SH3GL3: variants seen among roughly 807,000 people sequenced by gnomAD.
SH3GL3 encodes the protein SH3 domain containing GRB2 like 3, endophilin A3.
SH3GL3 carries 33 observed loss-of-function variants against 47.7 expected under a neutral mutation model. That is an observed-to-expected ratio of 0.69 (90% confidence interval 0.52 to 0.92). SH3GL3 has a LOEUF of 0.92. Ranked by LOEUF, SH3GL3 falls within the 40% of genes least tolerant of loss-of-function variation. SH3GL3 has a pLI of 0.00. For synonymous variants in SH3GL3, 155 were observed against 148.8 expected (o/e 1.04, Z -0.30); for missense variants, 363 against 417.8 (o/e 0.87, Z 1.14).
At chr15:83,457,270 G>T (rs991078766) in intron 1 of SH3GL3, among the ~76,000 whole-genome samples, 1 of 152,110 alleles carries the variant, frequency 6.6e-6, no homozygotes, top group African/African-American at 2.4e-5. Context: ...TCTCTCCCAA[G>T]ACTAACCATC....
At chr15:83,541,568 G>A (rs1375059999) in intron 1 of SH3GL3, among the ~76,000 whole-genome samples, 1 of 151,934 alleles carries the variant, frequency 6.6e-6, no homozygotes, top group Non-Finnish European at 1.5e-5. Flanking sequence ...TCTCCATCGT[G>A]GTTGTACATC....
At chr15:83,490,751 G>A (rs761714811) in intron 1 of SH3GL3, 2 of 1,597,254 alleles carry the variant, frequency 1.3e-6, no homozygotes, top group Non-Finnish European at 1.7e-6. Context: ...TTTAATTACA[G>A]GAGCTTTTAA....
At chr15:83,625,119 C>A in the SH3GL3 span, among the ~76,000 whole-genome samples, 3 of 152,168 alleles carry the variant, frequency 2.0e-5, no homozygotes, top group Admixed American at 1.3e-4. Context: ...ATTAGCCGGG[C>A]ATGGTGGCAC....
intron 1 of SH3GL3, among the ~76,000 whole-genome samples, chr15:83,516,007 A>G (rs1468087647): frequency 1.3e-5 from 2 of 152,124 alleles, no homozygotes; most frequent in African/African-American, 2.4e-5. Flanking sequence ...AGTTGGTTTC[A>G]TTCCTGGAAA....
intron 1 of SH3GL3, among the ~76,000 whole-genome samples, chr15:83,486,758 A>T (rs2041613990): frequency 6.6e-6 from 1 of 152,172 alleles, no homozygotes; most frequent in Non-Finnish European, 1.5e-5. Context: ...GGGTGGCTTA[A>T]ATAACAGATG....
At chr15:83,621,246 CCTAA>C (rs1187154841), downstream of SH3GL3, among the ~76,000 whole-genome samples, 2 of 152,206 alleles carry the variant, frequency 1.3e-5, no homozygotes, top group East Asian at 1.9e-4. Context: ...AGGCAAGAGG[CCTAA>C]CTTTCAGCCT....
intron 1 of SH3GL3, among the ~76,000 whole-genome samples, chr15:83,520,811 C>G (rs1386812702): frequency 6.6e-6 from 1 of 152,070 alleles, no homozygotes; most frequent in African/African-American, 2.4e-5. Context: ...CCTCTCCCAC[C>G]CACCCCCACA....
chr15:83,522,293 G>A (rs532300663), intron 1 of SH3GL3, among the ~76,000 whole-genome samples: 293 of 152,254 alleles, frequency 1.9e-3, no homozygotes, highest in Admixed American at 5.2e-3. Context: ...AGATCACTTC[G>A]TTCAAGCAGA....
rs2039492102 is a variant in SH3GL3, at chr15:83,447,482, C to T, written c.-52C>T. The T allele has an allele frequency of 3.5e-6, 5 of 1,440,174 alleles. No homozygotes were observed. Among genetic ancestry groups the T allele is most frequent in the Non-Finnish European group, 3.7e-6 (4 of 1,088,014 alleles). 89.2% of individuals were successfully genotyped at this position (1,440,174 alleles called of 1,614,324 possible). On this transcript the variant is annotated 5_prime_UTR_variant, in exon 1 of 9. Transcript: ENST00000427482. The surrounding 1 kb of genome is among the most constrained non-coding windows in gnomAD (Gnocchi z 5.1). The stretch of plus-strand genomic sequence containing the variant: ...CCGCTCCCCGAGCGCGTCGCGGCCG[C>T]GTGGCCCAGCCGAGCCTTGAGACCA...
Position 83,447,438 on chromosome 15 carries a change from G to C in SH3GL3, c.-96G>C. On this transcript the variant is annotated 5_prime_UTR_variant, in exon 1 of 9. Transcript: ENST00000427482. The surrounding 1 kb of genome is among the most constrained non-coding windows in gnomAD (Gnocchi z 5.1). ...GCGGGCCCGGCGGAGCCCAGCCGCG[G>C]GGGGACCGGCCCGGGCTCCCGCTCC... The C allele has an allele frequency of 1.8e-6, 2 of 1,096,026 alleles. No homozygotes were observed. Among genetic ancestry groups the C allele is most frequent in the Non-Finnish European group, 2.4e-6 (2 of 840,480 alleles). 67.9% of individuals were successfully genotyped at this position (1,096,026 alleles called of 1,614,324 possible).
chr15:83,526,265 C>G (rs1016294976), intron 1 of SH3GL3, among the ~76,000 whole-genome samples: 1 of 152,112 alleles, frequency 6.6e-6, no homozygotes, highest in Non-Finnish European at 1.5e-5. Flanking sequence ...GGTGATTCCT[C>G]AGAGAGCTAA....
chr15:83,516,365 G>A (rs2151640708), intron 1 of SH3GL3, among the ~76,000 whole-genome samples: 1 of 152,168 alleles, frequency 6.6e-6, no homozygotes, highest in Admixed American at 6.5e-5. Context: ...TATGTTTTGT[G>A]GCAATCACTT....
chr15:83,487,878 C>CTTTTTTTTTTTTTTTTTT (rs58188472), intron 1 of SH3GL3, among the ~76,000 whole-genome samples: 1 of 137,624 alleles, frequency 7.3e-6, no homozygotes, highest in Non-Finnish European at 1.6e-5. Flanking sequence ...TTTTTCTTTT[C>CTTTTTTTTTTTTTTTTTT]TTTTTTTTTT....
chr15:83,595,618 GT>G (rs33947427), intron 8 of SH3GL3, among the ~76,000 whole-genome samples: 24,875 of 143,990 alleles, frequency 0.17, 2,163 homozygotes, highest in South Asian at 0.25. Flanking sequence ...GTTACTCCTT[GT>G]TTTTTTTTTT....
intron 1 of SH3GL3, among the ~76,000 whole-genome samples, chr15:83,481,707 GT>G (rs1291062924): frequency 6.6e-6 from 1 of 152,076 alleles, no homozygotes; most frequent in Non-Finnish European, 1.5e-5. Flanking sequence ...AGGATTGATC[GT>G]TTTTTTCCCC....
At chr15:83,598,676 G>A (rs967184045) in intron 8 of SH3GL3, among the ~76,000 whole-genome samples, 1 of 152,176 alleles carries the variant, frequency 6.6e-6, no homozygotes, top group Non-Finnish European at 1.5e-5. Context: ...CTCATATGAT[G>A]AGAAAATATT....
chr15:83,630,196 C>T, the SH3GL3 span, among the ~76,000 whole-genome samples: 1 of 152,292 alleles, frequency 6.6e-6, no homozygotes, highest in African/African-American at 2.4e-5. Context: ...ATCAATTAAA[C>T]CTCTTTCCTT....
chr15:83,592,475 G>T (rs1348781951), intron 8 of SH3GL3, among the ~76,000 whole-genome samples: 1 of 151,890 alleles, frequency 6.6e-6, no homozygotes, highest in Non-Finnish European at 1.5e-5. Context: ...GTAAGTGCAG[G>T]CTCGTGCAGT....
intron 1 of SH3GL3, among the ~76,000 whole-genome samples, chr15:83,496,503 T>C (rs953910947): frequency 6.6e-6 from 1 of 152,178 alleles, no homozygotes; most frequent in Admixed American, 6.5e-5. Flanking sequence ...AGAGTGGATA[T>C]ATATAGCCCT....
Sources: allele counts gnomAD v4.1 joint callset (sites outside exome capture counted in the v4.1 genomes callset), GRCh38; gene constraint gnomAD v4.1.1; non-coding constraint Gnocchi (gnomAD v3.1); transcripts MANE v1.5; gene names NCBI Gene and HGNC (gene_info 2026-07-23, HGNC 2026-07-21).